The following POU6F2 variants were observed in gnomAD, a reference collection of about 807,000 sequenced individuals.
POU6F2 encodes POU domain, class 6, transcription factor 2.
In POU6F2, 31 loss-of-function variants were observed where a neutral mutation model predicts 71.3. The ratio of observed to expected loss-of-function variants is 0.43; its 90% CI spans 0.33 to 0.59. POU6F2 has a LOEUF of 0.59. POU6F2 is among the 20% of genes least tolerant of loss of function. The pLI is 0.04. For synonymous variants in POU6F2, 347 were observed against 355.7 expected (o/e 0.98, Z 0.27); for missense variants, 783 against 856.8 (o/e 0.91, Z 1.07).
intron 1 of POU6F2, among the ~76,000 whole-genome samples, chr7:39,017,823 T>TGTGTGTGTGC (rs1789593977): frequency 6.6e-6 from 1 of 151,652 alleles, no homozygotes; most frequent in Non-Finnish European, 1.5e-5. Flanking sequence ...CGTGTGTGTG[T>TGTGTGTGTGC]GTGTGTGTGT....
At chr7:39,323,412 T>G (rs1225351440) in intron 4 of POU6F2, among the ~76,000 whole-genome samples, 2 of 152,222 alleles carry the variant, frequency 1.3e-5, no homozygotes, top group Non-Finnish European at 1.5e-5. Context: ...TCCTGATTTT[T>G]TAGTCTTGTC....
chr7:39,144,223 AG>A (rs1166057501), intron 2 of POU6F2, among the ~76,000 whole-genome samples: 1 of 152,218 alleles, frequency 6.6e-6, no homozygotes, highest in Non-Finnish European at 1.5e-5. Flanking sequence ...TAATATAAAA[AG>A]CTCACTTATG....
At chr7:39,030,292 A>G (rs147763257) in intron 1 of POU6F2, among the ~76,000 whole-genome samples, 1 of 151,306 alleles carries the variant, frequency 6.6e-6, no homozygotes, top group African/African-American at 2.4e-5. Flanking sequence ...AATATTTTGC[A>G]CTCAGTAGCA....
intron 4 of POU6F2, among the ~76,000 whole-genome samples, chr7:39,324,834 C>T (rs546022207): frequency 1.3e-5 from 2 of 152,234 alleles, no homozygotes; most frequent in African/African-American, 4.8e-5. Context: ...ACCCTTTTCT[C>T]GCAGCAGAGT....
At chr7:39,334,758 A>T (rs1785730741) in intron 4 of POU6F2, among the ~76,000 whole-genome samples, 1 of 152,192 alleles carries the variant, frequency 6.6e-6, no homozygotes, top group Admixed American at 6.5e-5. Flanking sequence ...ACTAATTCAG[A>T]TTCCTCCTTT....
intron 2 of POU6F2, among the ~76,000 whole-genome samples, chr7:39,115,285 C>G (rs973551415): frequency 6.6e-6 from 1 of 152,132 alleles, no homozygotes; most frequent in Non-Finnish European, 1.5e-5. Flanking sequence ...AACAAACTTC[C>G]ATTTTTTTTC....
chr7:39,413,672 C>G (rs1787605487), intron 6 of POU6F2, among the ~76,000 whole-genome samples: 1 of 152,036 alleles, frequency 6.6e-6, no homozygotes, highest in African/African-American at 2.4e-5. Context: ...CTTCAAGTAG[C>G]ATTTTTTTTT....
At chr7:39,293,789 A>G (rs1207548542) in intron 4 of POU6F2, among the ~76,000 whole-genome samples, 1 of 152,218 alleles carries the variant, frequency 6.6e-6, no homozygotes, top group East Asian at 1.9e-4. Flanking sequence ...TTTAAAGTCC[A>G]ACTCTTTCTC....
chr7:39,365,789 C>A lies in POU6F2; in HGVS notation c.972+25774C>A, dbSNP rs187310089. On this transcript the variant is annotated intron_variant, in intron 5 of 9. Transcript: ENST00000518318. ...GAATGAGAAAGGAGGTGCTAGAGGTCTGAAGAGAAGCAAGAAGATGTGAAA... is the reference window on the plus strand; with the variant it reads ...GAATGAGAAAGGAGGTGCTAGAGGTATGAAGAGAAGCAAGAAGATGTGAAA... Among the ~76,000 whole-genome samples the A allele has an allele frequency of 2.6e-5, 4 of 152,290 alleles. No homozygotes were observed. The East Asian group carries it at 5.8e-4, about 22-fold the overall frequency.
intron 1 of POU6F2, among the ~76,000 whole-genome samples, chr7:39,025,802 G>A (rs1325279835): frequency 6.6e-6 from 1 of 151,208 alleles, no homozygotes; most frequent in Non-Finnish European, 1.5e-5. Flanking sequence ...TACCATCAGA[G>A]TGAACAGGCA....
At chr7:39,393,448 C>T (rs1284532553) in intron 5 of POU6F2, among the ~76,000 whole-genome samples, 1 of 152,104 alleles carries the variant, frequency 6.6e-6, no homozygotes, top group South Asian at 2.1e-4. Context: ...AATGAAGAAA[C>T]CTTCATGGAT....
intron 2 of POU6F2, among the ~76,000 whole-genome samples, chr7:39,112,177 C>T (rs532716210): frequency 2.0e-5 from 3 of 152,194 alleles, no homozygotes; most frequent in Admixed American, 6.5e-5. Context: ...CCCTTGTCAA[C>T]GTGTCTGCAC....
chr7:39,406,548 C>CT, intron 5 of POU6F2, 52 bp from the exon 6 acceptor site: 2 of 1,591,524 alleles, frequency 1.3e-6, no homozygotes, highest in Non-Finnish European at 1.7e-6. Context: ...TGTCCGTGTG[C>CT]TGTGCCTGTG....
intron 5 of POU6F2, chr7:39,405,100 AAT>A (rs1787394440): frequency 6.6e-6 from 1 of 152,182 alleles, no homozygotes; most frequent in African/African-American, 2.4e-5. Context: ...TTTTTTAAAA[AAT>A]GTGCTGGGTC....
chr7:39,082,861 A>C (rs1231500589), intron 1 of POU6F2, among the ~76,000 whole-genome samples: 3 of 151,702 alleles, frequency 2.0e-5, no homozygotes, highest in African/African-American at 7.3e-5. Context: ...CTAGAGCTGC[A>C]TTATGGAAAA....
rs192957510 is a variant in POU6F2, at chr7:39,356,129, A to G, written c.972+16114A>G. On this transcript the variant is annotated intron_variant, in intron 5 of 9. Coordinates refer to ENST00000518318, the MANE Select transcript of POU6F2 (RefSeq NM_001370959.1). ...GTCTTTCTACTTCTGTTTTCTCTCT[A>G]ATCCACTTTGCAAACCACTGTCAAG... Among the ~76,000 whole-genome samples the G allele has an allele frequency of 7.0e-4, 107 of 152,294 alleles. 2 individuals are homozygous for G. The East Asian group carries it at 0.02, about 28-fold the overall frequency.
rs1788548838 is a variant in POU6F2 at position 38,989,572 on chromosome 7, A to C, written c.105+11514A>C. 2.0e-5 allele frequency among the ~76,000 whole-genome samples: 3 copies of C among 152,206 alleles called. No homozygotes were observed. The South Asian group carries it at 6.2e-4, about 32-fold the overall frequency. On this transcript the variant is annotated intron_variant, in intron 1 of 9. Coordinates refer to ENST00000518318, the MANE Select transcript of POU6F2 (RefSeq NM_001370959.1). ...CAATTTGCTTCACTTTGTTTCTCAA[A>C]GCTGGAAGAAATTTTTTAGGGATAA...
At chr7:39,215,903 G>T (rs904588065) in intron 4 of POU6F2, among the ~76,000 whole-genome samples, 1 of 152,182 alleles carries the variant, frequency 6.6e-6, no homozygotes, top group African/African-American at 2.4e-5. Context: ...ATTACATATG[G>T]GTCATAGGTG....
At chr7:39,004,805 G>A (rs1354781662) in intron 1 of POU6F2, among the ~76,000 whole-genome samples, 2 of 152,092 alleles carry the variant, frequency 1.3e-5, no homozygotes, top group Non-Finnish European at 2.9e-5. Context: ...GCTGTGCTCC[G>A]GGCCCTGCAA....
Sources: gnomAD v4.1 joint callset for allele counts (sites outside exome capture counted in the v4.1 genomes callset) on GRCh38, gnomAD v4.1.1 for gene constraint, MANE v1.5 for transcripts, NCBI Gene and HGNC (gene_info 2026-07-23, HGNC 2026-07-21) for gene names.